ADAMTS2: variants seen among roughly 807,000 people sequenced by gnomAD.
ADAMTS2 encodes A disintegrin and metalloproteinase with thrombospondin motifs 2.
Under a neutral mutation model 123.0 loss-of-function variants are expected in ADAMTS2, and 50 were observed. That is an observed-to-expected ratio of 0.41 (90% CI 0.32 to 0.51). The LOEUF (loss-of-function observed/expected upper bound fraction) is 0.51, where lower values mean the gene tolerates loss of function less well. Ranked by LOEUF, ADAMTS2 falls within the 20% of genes least tolerant of loss-of-function variation. The pLI is 0.35. For synonymous variants in ADAMTS2, 678 were observed against 695.4 expected (o/e 0.98, Z 0.39); for missense variants, 1,494 against 1,705.2 (o/e 0.88, Z 2.18).
intron 4 of ADAMTS2, among the ~76,000 whole-genome samples, chr5:179,182,356 T>C (rs1467336925): frequency 2.6e-5 from 4 of 152,094 alleles, no homozygotes; most frequent in African/African-American, 7.2e-5. Context: ...GCTCCGGACA[T>C]GGCCAAGACA....
intron 5 of ADAMTS2, among the ~76,000 whole-genome samples, chr5:179,160,938 A>G (rs1763581175): frequency 6.6e-6 from 1 of 152,094 alleles, no homozygotes; most frequent in Non-Finnish European, 1.5e-5. Flanking sequence ...CTGGCACGAG[A>G]TCTGGCAACA....
rs542480684 is a variant in ADAMTS2, at chr5:179,214,240, G to A, written c.689-6525C>T. On this transcript the variant is annotated intron_variant, in intron 3 of 21. Transcript: ENST00000251582. The stretch of plus-strand genomic sequence containing the variant: ...ACACAACTCAAAAATCGTGCCCACA[G>A]TCACCATTACTGAGACACATTAGGA... Among the ~76,000 whole-genome samples the A allele has an allele frequency of 1.1e-3, 106 of 93,710 alleles. 5 individuals carry two copies. The highest frequency in any genetic ancestry group is 4.0e-3 in the African/African-American group (103 of 26,060). The allele number at this position is 93,710 out of a possible 152,430, so 61.5% of individuals were successfully genotyped here.
intron 5 of ADAMTS2, among the ~76,000 whole-genome samples, chr5:179,168,224 G>A (rs918162726): frequency 2.6e-5 from 4 of 152,126 alleles, no homozygotes; most frequent in Admixed American, 6.5e-5. Context: ...CCCCCTAGTC[G>A]TGACAACCAA....
chr5:179,275,549 GC>G (rs1457863110), intron 2 of ADAMTS2, among the ~76,000 whole-genome samples: 1 of 152,204 alleles, frequency 6.6e-6, no homozygotes, highest in African/African-American at 2.4e-5. Flanking sequence ...ACTTCCTTAT[GC>G]CGGGGAGTGG....
chr5:179,311,476 C>T (rs962323122), intron 2 of ADAMTS2, among the ~76,000 whole-genome samples: 1 of 152,250 alleles, frequency 6.6e-6, no homozygotes, highest in African/African-American at 2.4e-5. Flanking sequence ...TGGACACTGA[C>T]AGGGACTCTC....
chr5:179,199,542 C>T lies in ADAMTS2; in HGVS notation c.891+7971G>A, dbSNP rs529557405. Among the ~76,000 whole-genome samples, 6 of 152,308 alleles carry T rather than the reference C, an allele frequency of 3.9e-5. No individual in the cohort carries two copies. The East Asian group carries it at 5.8e-4, about 15-fold the overall frequency. On this transcript the variant is annotated intron_variant, in intron 4 of 21. Transcript: ENST00000251582. Reference sequence around the variant, plus strand: ...GGGGGCGTGCCTGGCTCTACTTCCCCAGACGCCCTGGCCAGGGCACAGCCA... The same window carrying T: ...GGGGGCGTGCCTGGCTCTACTTCCCTAGACGCCCTGGCCAGGGCACAGCCA...
chr5:179,209,151 C>A (rs1764790391), intron 3 of ADAMTS2, among the ~76,000 whole-genome samples: 1 of 152,180 alleles, frequency 6.6e-6, no homozygotes, highest in African/African-American at 2.4e-5. Context: ...AGGCCCTCAT[C>A]CCGGCACACG....
At chr5:179,161,890 T>A (rs1157907318) in intron 5 of ADAMTS2, among the ~76,000 whole-genome samples, 1 of 152,204 alleles carries the variant, frequency 6.6e-6, no homozygotes, top group South Asian at 2.1e-4. Context: ...ATACATTTTT[T>A]AAAAATTGCC....
rs1370893626 is a variant in ADAMTS2 at position 179,188,046 on chromosome 5, AG to A, written c.892-6892del. Among the ~76,000 whole-genome samples the A allele has an allele frequency of 2.0e-5, 3 of 151,788 alleles. No homozygotes were observed. The highest frequency in any genetic ancestry group is 7.3e-5 in the African/African-American group (3 of 41,346). On this transcript the variant is annotated intron_variant, in intron 4 of 21. Coordinates refer to ENST00000251582, the MANE Select transcript of ADAMTS2 (RefSeq NM_014244.5). This position sits in a 1 kb window ranked among gnomAD's most constrained non-coding sequence, Gnocchi z 5.1. The stretch of plus-strand genomic sequence containing the variant: ...GCCAAGGTGGGGGAGGGGTGCAGAA[AG>A]GGGGGAACCGGTGCAGGCTCCCTAC...
chr5:179,285,277 G>C lies in ADAMTS2; in HGVS notation c.535-12213C>G, dbSNP rs1407235940. ...TAGCAAAACAGACAATTCATGTGAAGACAGGAGAGACGGAAAGGGGGAGAG... is the reference window on the plus strand; with the variant it reads ...TAGCAAAACAGACAATTCATGTGAACACAGGAGAGACGGAAAGGGGGAGAG... On this transcript the variant is annotated intron_variant, in intron 2 of 21. Transcript: ENST00000251582. The surrounding 1 kb of genome is among the most constrained non-coding windows in gnomAD (Gnocchi z 4.9). Among the ~76,000 whole-genome samples, 1 of 152,188 alleles carries C rather than the reference G, an allele frequency of 6.6e-6. No homozygotes were observed. Among genetic ancestry groups the C allele is most frequent in the Non-Finnish European group, 1.5e-5 (1 of 68,038 alleles).
At position 179,345,257 on chromosome 5, in the gene ADAMTS2, C is replaced by T. The variant is rs1757912792; in HGVS notation, c.72G>A (p.Pro24=). 3.5e-6 allele frequency: 4 copies of T among 1,149,474 alleles called. No homozygotes were observed. The highest frequency in any genetic ancestry group is 3.2e-6 in the Non-Finnish European group (3 of 942,236). The allele number at this position is 1,149,474 out of a possible 1,614,324, so 71.2% of individuals were successfully genotyped here. A position where few individuals can be genotyped will look rare whatever the true frequency, so the allele number is the denominator to read the frequency against. The part of the protein sequence containing the change: ...PALLLLLLLL[P]PPLLPPPPPP... Reference sequence around the variant, plus strand: ...GCGGCGGCGGCGGCAGGAGCGGCGGCGGCAGCAGCAGCAGCAGCAGCAGCA... The same window carrying T: ...GCGGCGGCGGCGGCAGGAGCGGCGGTGGCAGCAGCAGCAGCAGCAGCAGCA... Residue 24 remains proline (P), a synonymous_variant, in exon 1 of 22, where the codon CCG becomes CCA. Transcript: ENST00000251582. The surrounding 1 kb of genome is among the most constrained non-coding windows in gnomAD (Gnocchi z 7.5).
chr5:179,323,202 T>C (rs1160980270), intron 2 of ADAMTS2, among the ~76,000 whole-genome samples: 13 of 152,202 alleles, frequency 8.5e-5, no homozygotes, highest in Admixed American at 8.5e-4. Flanking sequence ...GGAAAATCCA[T>C]CCGTGGTCCC....
At chr5:179,169,475 C>T (rs540798078) in intron 5 of ADAMTS2, among the ~76,000 whole-genome samples, 3 of 152,222 alleles carry the variant, frequency 2.0e-5, no homozygotes. Flanking sequence ...TCTCTGGACC[C>T]AGGTAGGTCT....
chr5:179,192,518 C>T (rs935440323), intron 4 of ADAMTS2, among the ~76,000 whole-genome samples: 1 of 152,204 alleles, frequency 6.6e-6, no homozygotes, highest in African/African-American at 2.4e-5. Context: ...TGAAATCCTG[C>T]CCACCGCTAC....
At chr5:179,217,001 T>C (rs574214498) in intron 3 of ADAMTS2, among the ~76,000 whole-genome samples, 81 of 152,338 alleles carry the variant, frequency 5.3e-4, no homozygotes, top group Middle Eastern at 6.8e-3. Flanking sequence ...CCTTGGCCCA[T>C]GGGCCATTGT....
rs1304158275 is a variant in ADAMTS2 at position 179,158,946 on chromosome 5, AG to A, written c.976-68del. 8 of 1,576,572 alleles carry A rather than the reference AG, an allele frequency of 5.1e-6. No individual in the cohort carries two copies. In the East Asian group the frequency reaches 1.6e-4, roughly 32 times the overall value. ...CTGGTGGCCCAGTGGGGGGCCGAGC[AG>A]GCTGTAGTGTTGACAGACCCCATCC... On this transcript the variant is annotated intron_variant, in intron 5 of 21. Coordinates refer to ENST00000251582, the MANE Select transcript of ADAMTS2 (RefSeq NM_014244.5). The surrounding 1 kb of genome is among the most constrained non-coding windows in gnomAD (Gnocchi z 5.0).
rs868474501 is a variant in ADAMTS2, at chr5:179,181,291, C to A, written c.892-136G>T. 13 of 708,306 alleles carry A rather than the reference C, an allele frequency of 1.8e-5. 1 individual carries two copies. In the Middle Eastern group the frequency reaches 9.2e-4, roughly 50 times the overall value. 43.9% of individuals were successfully genotyped at this position (708,306 alleles called of 1,614,324 possible). A position where few individuals can be genotyped will look rare whatever the true frequency, so the allele number is the denominator to read the frequency against. ...AGGCGTCACCATCAACTAGGAGCCA[C>A]CTTGTGACCCCTCCCTCATTGCCCC... On this transcript the variant is annotated intron_variant, in intron 4 of 21. Transcript: ENST00000251582. This position sits in a 1 kb window ranked among gnomAD's most constrained non-coding sequence, Gnocchi z 4.1.
At chr5:179,161,781 A>G (rs992683940) in intron 5 of ADAMTS2, among the ~76,000 whole-genome samples, 1 of 152,236 alleles carries the variant, frequency 6.6e-6, no homozygotes, top group Non-Finnish European at 1.5e-5. Context: ...ACGTGTCTAA[A>G]TATCACACCC....
chr5:179,121,549 CAG>C (rs1762762915), intron 21 of ADAMTS2, 110 bp downstream of exon 21: 16 of 874,926 alleles, frequency 1.8e-5, no homozygotes, highest in Non-Finnish European at 2.4e-5. Context: ...AGCGCGCCCG[CAG>C]AGTCAGGGGA....
Sources: allele counts gnomAD v4.1 joint callset (sites outside exome capture counted in the v4.1 genomes callset), GRCh38; gene constraint gnomAD v4.1.1; non-coding constraint Gnocchi (gnomAD v3.1); transcripts MANE v1.5; gene names NCBI Gene and HGNC (gene_info 2026-07-23, HGNC 2026-07-21).